SORCS2: variants seen among roughly 807,000 people sequenced by gnomAD.
SORCS2 encodes the protein VPS10 domain-containing receptor SorCS2.
SORCS2 carries 100 observed loss-of-function variants against 141.6 expected under a neutral mutation model. The ratio of observed to expected loss-of-function variants is 0.71; its 90% CI spans 0.60 to 0.83. SORCS2 has a LOEUF of 0.83. SORCS2 is among the 40% of genes least tolerant of loss of function. SORCS2 has a pLI of 0.00. For synonymous variants in SORCS2, 789 were observed against 676.9 expected, an observed-to-expected ratio of 1.17 and a Z score of -2.57; for missense variants, 1,646 against 1,560.2, an observed-to-expected ratio of 1.05 and a Z score of -0.93.
chr4:7,444,151 C>T (rs767252946), intron 2 of SORCS2, among the ~76,000 whole-genome samples: 7 of 152,200 alleles, frequency 4.6e-5, no homozygotes, highest in African/African-American at 1.4e-4. Flanking sequence ...TTTTCATACG[C>T]GTATTCAGCA....
At chr4:7,672,366 G>A (rs932561860) in intron 8 of SORCS2, among the ~76,000 whole-genome samples, 2 of 152,184 alleles carry the variant, frequency 1.3e-5, no homozygotes, top group Admixed American at 1.3e-4. Context: ...AGTTCAGAAG[G>A]CAGCGAGCTG....
At chr4:7,660,546 G>T (rs919181364) in intron 5 of SORCS2, among the ~76,000 whole-genome samples, 1 of 152,214 alleles carries the variant, frequency 6.6e-6, no homozygotes, top group Non-Finnish European at 1.5e-5. Flanking sequence ...ATCTAGACTC[G>T]TGGTATTAGG....
At chr4:7,387,448 C>G (rs1229492312) in intron 1 of SORCS2, among the ~76,000 whole-genome samples, 1 of 94,514 alleles carries the variant, frequency 1.1e-5, no homozygotes, top group African/African-American at 3.2e-5. Flanking sequence ...CATGCATGCA[C>G]ACATGCACAC....
intron 2 of SORCS2, among the ~76,000 whole-genome samples, chr4:7,458,951 G>A (rs1016195310): frequency 9.9e-5 from 15 of 152,180 alleles, no homozygotes; most frequent in African/African-American, 3.1e-4. Context: ...TGCTGGCTGC[G>A]GGGACTGGGC....
chr4:7,198,956 G>T (rs1727332259), intron 1 of SORCS2, among the ~76,000 whole-genome samples: 1 of 152,206 alleles, frequency 6.6e-6, no homozygotes, highest in Non-Finnish European at 1.5e-5. Context: ...CTCCCAGCAG[G>T]AAGGGGAGGG....
At chr4:7,637,465 G>A (rs771053037) in intron 3 of SORCS2, among the ~76,000 whole-genome samples, 12 of 152,216 alleles carry the variant, frequency 7.9e-5, no homozygotes, top group African/African-American at 2.7e-4. Flanking sequence ...GTCTTTGAGC[G>A]CTCACCTGTC....
chr4:7,641,157 A>T (rs1244661361), intron 4 of SORCS2, among the ~76,000 whole-genome samples: 1 of 152,196 alleles, frequency 6.6e-6, no homozygotes, highest in Non-Finnish European at 1.5e-5. Context: ...CTCAACACTG[A>T]TCACAATGGG....
intron 2 of SORCS2, among the ~76,000 whole-genome samples, chr4:7,441,503 A>G (rs1184265923): frequency 6.6e-6 from 1 of 151,920 alleles, no homozygotes; most frequent in Admixed American, 6.6e-5. Context: ...GGTGCAGGGG[A>G]GGCGCAGGCC....
At chr4:7,295,006 C>G in intron 1 of SORCS2, among the ~76,000 whole-genome samples, 1 of 498 alleles carries the variant, frequency 2.0e-3, no homozygotes, top group Non-Finnish European at 4.6e-3. Flanking sequence ...CCCTCCTCTC[C>G]CTCCTCCCCC....
chr4:7,519,422 G>A (rs984586721), intron 2 of SORCS2, among the ~76,000 whole-genome samples: 1 of 152,294 alleles, frequency 6.6e-6, no homozygotes, highest in East Asian at 1.9e-4. Context: ...ATAGAGTCTC[G>A]TTTCATCCTT....
chr4:7,409,642 C>A (rs901991589), intron 2 of SORCS2, among the ~76,000 whole-genome samples: 1 of 152,182 alleles, frequency 6.6e-6, no homozygotes, highest in African/African-American at 2.4e-5. Context: ...TTTTCCAGGG[C>A]AGAAACAGTG....
In SORCS2 at chr4:7,661,476, C is replaced by G. The variant is rs373553161; in HGVS notation, c.888-24C>G. On this transcript the variant is annotated intron_variant, in intron 5 of 26. Transcript: ENST00000507866. ...GGGCATGGTGACTCCATTCCCGACCCCAGCCTCAGCTCTTCTTTTCCAGGT... is the reference window on the plus strand; with the variant it reads ...GGGCATGGTGACTCCATTCCCGACCGCAGCCTCAGCTCTTCTTTTCCAGGT... The G allele has an allele frequency of 1.1e-3, 1,691 of 1,551,328 alleles. 6 individuals carry two copies. Among genetic ancestry groups the G allele is most frequent in the African/African-American group, 8.8e-3 (644 of 73,114 alleles).
chr4:7,244,830 C>G (rs973747348), intron 1 of SORCS2, among the ~76,000 whole-genome samples: 5 of 152,220 alleles, frequency 3.3e-5, no homozygotes, highest in African/African-American at 1.2e-4. Context: ...TTGTTCTGCT[C>G]AAGAGCAGGG....
chr4:7,461,342 C>A (rs1450249133), intron 2 of SORCS2, among the ~76,000 whole-genome samples: 4 of 152,204 alleles, frequency 2.6e-5, no homozygotes, highest in African/African-American at 4.8e-5. Context: ...TCTTCCTCCC[C>A]CAAAGTCCCG....
chr4:7,472,481 G>A (rs1730035823), intron 2 of SORCS2, among the ~76,000 whole-genome samples: 1 of 152,110 alleles, frequency 6.6e-6, no homozygotes, highest in South Asian at 2.1e-4. Flanking sequence ...GGCCTAGTGG[G>A]TTGTGGCAAG....
chr4:7,457,151 A>G (rs1237622031), intron 2 of SORCS2, among the ~76,000 whole-genome samples: 1 of 152,200 alleles, frequency 6.6e-6, no homozygotes, highest in Non-Finnish European at 1.5e-5. Context: ...ACAGCACACG[A>G]CAGCCCCCGG....
chr4:7,557,931 A>T (rs1323990744), intron 3 of SORCS2, among the ~76,000 whole-genome samples: 1 of 152,264 alleles, frequency 6.6e-6, no homozygotes, highest in Non-Finnish European at 1.5e-5. Context: ...GAAGAAAATG[A>T]GGCTCAGAGA....
intron 2 of SORCS2, among the ~76,000 whole-genome samples, chr4:7,412,898 C>G (rs569050114): frequency 6.6e-6 from 1 of 152,256 alleles, no homozygotes; most frequent in South Asian, 2.1e-4. Flanking sequence ...ATGGCAGGCA[C>G]CTCCTTGTCT....
chr4:7,687,119 C>T (rs1015811786), intron 10 of SORCS2, among the ~76,000 whole-genome samples: 8 of 152,330 alleles, frequency 5.3e-5, no homozygotes, highest in South Asian at 2.1e-4. Context: ...GAGAGGTTGA[C>T]GGAGACCAAC....
Sources: allele counts gnomAD v4.1 joint callset (sites outside exome capture counted in the v4.1 genomes callset), GRCh38; gene constraint gnomAD v4.1.1; transcripts MANE v1.5; gene names NCBI Gene and HGNC (gene_info 2026-07-23, HGNC 2026-07-21).